Variants in FAM200B observed in about 807,000 individuals in gnomAD.
FAM200B encodes protein FAM200B.
FAM200B carries 32 observed loss-of-function variants against 33.1 expected under a neutral mutation model. The observed-to-expected ratio is 0.97, with a 90% CI of 0.73 to 1.30. The LOEUF is 1.30. Ranked by LOEUF, FAM200B falls within the 50% of genes most tolerant of loss-of-function variation. The pLI is 0.00. For missense variants in FAM200B, 741 were observed against 754.0 expected (o/e 0.98, Z 0.20); for synonymous variants, 240 against 264.8 (o/e 0.91, Z 0.91).
At position 15,688,871 on chromosome 4, in the gene FAM200B, G is replaced by A. The variant is rs1395303735; in HGVS notation, c.1894G>A (p.Ala632Thr). ...AAAGGAAAGAAATGGGCTGAATTGT[G>A]CAGCAGTTATGCGGGTAGCATTATC... ...KTKERNGLNC[A>T]AVMRVALSSC... Residue 632 changes from alanine (A) to threonine (T), a missense_variant, in exon 2 of 2, where the codon GCA (alanine) becomes ACA (threonine). Transcript: ENST00000422728. The A allele has an allele frequency of 6.4e-6, 10 of 1,551,124 alleles. No individual in the cohort carries two copies. Among genetic ancestry groups the A allele is most frequent in the Middle Eastern group, 1.7e-4 (1 of 5,986 alleles).
rs1205279059 is a variant in FAM200B at position 15,688,824 on chromosome 4, C to T, written c.1847C>T (p.Ser616Phe). The T allele has an allele frequency of 6.4e-7, 1 of 1,551,444 alleles. No individual in the cohort carries two copies. The highest frequency in any genetic ancestry group is 8.7e-7 in the Non-Finnish European group (1 of 1,146,852). Residue 616 changes from serine to phenylalanine, a missense_variant, in exon 2 of 2, where the codon TCC (serine) becomes TTC (phenylalanine). Coordinates refer to ENST00000422728, the MANE Select transcript of FAM200B (RefSeq NM_001145191.2). ...TTTSLCELGF[S>F]ILTQLKTKER... Reference sequence around the variant, plus strand: ...ACTAGTTTGTGTGAACTAGGGTTTTCCATCTTAACGCAGTTAAAAACAAAG... The same window carrying T: ...ACTAGTTTGTGTGAACTAGGGTTTTTCATCTTAACGCAGTTAAAAACAAAG...
chr4:15,687,255 T>A lies in FAM200B; in HGVS notation c.278T>A (p.Leu93His), dbSNP rs776987984. The change falls in exon 2 of 2, where the codon CTT becomes CAT. Residue 93 changes from leucine (L) to histidine (H), a missense_variant. Transcript: ENST00000422728. ...CAGTGTGTTATTTGTAATAATATTC[T>A]TGCGAATGAAAGCTTAAAACCTTCG... ...RPQCVICNNI[L>H]ANESLKPSKL... is the part of the protein sequence containing the mutation. The A allele has an allele frequency of 3.9e-6, 6 of 1,546,270 alleles. No individual in the cohort carries two copies. The highest frequency in any genetic ancestry group is 5.2e-6 in the Non-Finnish European group (6 of 1,145,278).
chr4:15,639,558 ATT>A, the FAM200B span, among the ~76,000 whole-genome samples: 1 of 152,350 alleles, frequency 6.6e-6, no homozygotes, highest in East Asian at 1.9e-4. Flanking sequence ...TCAATCTCCA[ATT>A]TACAGAATTA....
At chr4:15,638,325 A>C in the FAM200B span, among the ~76,000 whole-genome samples, 1 of 152,240 alleles carries the variant, frequency 6.6e-6, no homozygotes. Flanking sequence ...ATCATGCACA[A>C]CACTAAATTC....
chr4:15,668,158 A>T, the FAM200B span, among the ~76,000 whole-genome samples: 39 of 152,064 alleles, frequency 2.6e-4, no homozygotes, highest in African/African-American at 8.9e-4. Context: ...TAATGTGTGA[A>T]GGATTTCATC....
At chr4:15,669,922 G>A in the FAM200B span, among the ~76,000 whole-genome samples, 71 of 152,200 alleles carry the variant, frequency 4.7e-4, no homozygotes, top group Middle Eastern at 3.4e-3. Flanking sequence ...TTAAAGGGGC[G>A]GTAATCACCC....
the FAM200B span, among the ~76,000 whole-genome samples, chr4:15,657,081 T>C: frequency 6.8e-4 from 104 of 152,320 alleles, no homozygotes; most frequent in African/African-American, 1.9e-3. Flanking sequence ...TCTTCCTCCT[T>C]CTCCCTTTCA....
At chr4:15,667,422 AT>A in the FAM200B span, among the ~76,000 whole-genome samples, 13 of 151,924 alleles carry the variant, frequency 8.6e-5, no homozygotes, top group African/African-American at 3.1e-4. Context: ...GGAAATATTC[AT>A]TTCATCCAAA....
chr4:15,640,409 AAC>A, the FAM200B span, among the ~76,000 whole-genome samples: 1,027 of 149,628 alleles, frequency 6.9e-3, 4 homozygotes, highest in African/African-American at 0.024. Context: ...AAAAAAAAAA[AAC>A]ATGAAAAAAT....
At chr4:15,659,159 T>C in the FAM200B span, among the ~76,000 whole-genome samples, 1 of 152,184 alleles carries the variant, frequency 6.6e-6, no homozygotes, top group Non-Finnish European at 1.5e-5. Flanking sequence ...ATTAATTTCT[T>C]AGCAGTTTTA....
the FAM200B span, among the ~76,000 whole-genome samples, chr4:15,667,256 T>C: frequency 6.6e-6 from 1 of 152,176 alleles, no homozygotes. Flanking sequence ...TGGCAGTCCA[T>C]GAGAAAACAT....
chr4:15,662,672 T>C, the FAM200B span, among the ~76,000 whole-genome samples: 1 of 152,206 alleles, frequency 6.6e-6, no homozygotes, highest in Admixed American at 6.5e-5. Context: ...AAAATTGTTT[T>C]TTTCAATATC....
chr4:15,645,674 G>A, the FAM200B span, among the ~76,000 whole-genome samples: 3 of 151,956 alleles, frequency 2.0e-5, no homozygotes, highest in Admixed American at 1.3e-4. Context: ...TGATCCACCC[G>A]CCTCGGCCTC....
the FAM200B span, among the ~76,000 whole-genome samples, chr4:15,637,517 C>T: frequency 6.6e-6 from 1 of 152,148 alleles, no homozygotes; most frequent in African/African-American, 2.4e-5. Context: ...ATTCTTTAAA[C>T]TACCACTTTT....
At chr4:15,647,582 G>A in the FAM200B span, among the ~76,000 whole-genome samples, 1 of 152,144 alleles carries the variant, frequency 6.6e-6, no homozygotes, top group South Asian at 2.1e-4. Context: ...TAGACTATTA[G>A]AAATTCTTTT....
At chr4:15,666,565 G>A in the FAM200B span, among the ~76,000 whole-genome samples, 2 of 152,234 alleles carry the variant, frequency 1.3e-5, no homozygotes, top group South Asian at 2.1e-4. Context: ...GGAGGAATAG[G>A]TTTTGAGATC....
chr4:15,665,052 C>G, the FAM200B span, among the ~76,000 whole-genome samples: 1 of 152,132 alleles, frequency 6.6e-6, no homozygotes, highest in South Asian at 2.1e-4. Context: ...TTCATGTGCT[C>G]AGTCATAAAT....
At chr4:15,666,804 G>C in the FAM200B span, among the ~76,000 whole-genome samples, 2 of 151,806 alleles carry the variant, frequency 1.3e-5, no homozygotes, top group East Asian at 3.9e-4. Flanking sequence ...CTGGGTGACA[G>C]AGCTGCTACC....
the FAM200B span, chr4:15,655,427 G>T: frequency 1.0e-6 from 1 of 991,792 alleles, no homozygotes; most frequent in South Asian, 4.7e-5. Flanking sequence ...TTGGCCGGCG[G>T]GGACGCGGGG....
Sources: allele counts gnomAD v4.1 joint callset (sites outside exome capture counted in the v4.1 genomes callset), GRCh38; gene constraint gnomAD v4.1.1; transcripts MANE v1.5; gene names NCBI Gene and HGNC (gene_info 2026-07-23, HGNC 2026-07-21).